Variants in CRIM1 observed in about 807,000 individuals in gnomAD.
The protein encoded by CRIM1 is cysteine-rich motor neuron 1 protein.
Under a neutral mutation model 116.4 loss-of-function variants are expected in CRIM1, and 32 were observed. That is an observed-to-expected ratio of 0.27 (90% CI 0.21 to 0.37). CRIM1 has a LOEUF of 0.37. Ranked by LOEUF, CRIM1 falls within the 10% of genes least tolerant of loss-of-function variation. The pLI is 1.00. For missense variants in CRIM1, 1,331 were observed against 1,354.8 expected, an observed-to-expected ratio of 0.98 and a Z score of 0.28; for synonymous variants, 590 against 509.2, an observed-to-expected ratio of 1.16 and a Z score of -2.13.
intron 4 of CRIM1, among the ~76,000 whole-genome samples, chr2:36,461,619 A>G (rs925802654): frequency 2.0e-5 from 3 of 152,230 alleles, no homozygotes; most frequent in South Asian, 2.1e-4. Flanking sequence ...TGTGTTAACC[A>G]GAGAATCTAG....
At chr2:36,406,671 C>A (rs550844332) in intron 2 of CRIM1, among the ~76,000 whole-genome samples, 2 of 135,954 alleles carry the variant, frequency 1.5e-5, no homozygotes, top group Non-Finnish European at 1.5e-5. Context: ...CAAACTGATT[C>A]TCTTACTCGT....
intron 4 of CRIM1, among the ~76,000 whole-genome samples, chr2:36,463,232 G>T (rs1419819011): frequency 6.6e-6 from 1 of 152,044 alleles, no homozygotes; most frequent in Non-Finnish European, 1.5e-5. Context: ...TAGTTCCATG[G>T]TTAACTATAA....
intron 13 of CRIM1, among the ~76,000 whole-genome samples, chr2:36,531,404 G>GTT (rs572813764): frequency 4.2e-5 from 6 of 142,802 alleles, no homozygotes; most frequent in Non-Finnish European, 6.2e-5. Flanking sequence ...TTGGTTTTTT[G>GTT]TTTTTTTTTT....
chr2:36,476,936 G>T lies in CRIM1; in HGVS notation c.1039G>T (p.Asp347Tyr), dbSNP rs767007762. Residue 347 changes from aspartate (D) to tyrosine (Y), a missense_variant, in exon 6 of 17, where the codon GAC becomes TAC. Physicochemically the swap from Asp to Tyr is radical, Grantham distance 160. Coordinates refer to ENST00000280527, the MANE Select transcript of CRIM1 (RefSeq NM_016441.3). ...TAACAATGTGGAATATTATGATGGA[G>T]ACATGTTTCGAATGGACAACTGTCG... The part of the protein sequence containing the change: ...VFNNVEYYDG[D>Y]MFRMDNCRFC... 1.7e-5 allele frequency: 27 copies of T among 1,613,996 alleles called. No homozygotes were observed. In the East Asian group the frequency reaches 5.8e-4, roughly 35 times the overall value.
In CRIM1 at chr2:36,550,904, ATTATT is replaced by A. The variant is rs1262902696; in HGVS notation, c.*2207_*2211del. The A allele has an allele frequency of 6.6e-6, 1 of 152,546 alleles. No homozygotes were observed. The highest frequency in any genetic ancestry group is 1.5e-5 in the Non-Finnish European group (1 of 68,004). 9.4% of individuals were successfully genotyped at this position (152,546 alleles called of 1,614,324 possible). A position where few individuals can be genotyped will look rare whatever the true frequency, so the allele number is the denominator to read the frequency against. On this transcript the variant is annotated 3_prime_UTR_variant, in exon 17 of 17. Coordinates refer to ENST00000280527, the MANE Select transcript of CRIM1 (RefSeq NM_016441.3). Reference sequence around the variant, plus strand: ...AGGACAAGGTGTAAATTTTTTTATTATTATTTTAAAGATATGATTTATCCTGAGTG... The same window carrying A: ...AGGACAAGGTGTAAATTTTTTTATTATTAAAGATATGATTTATCCTGAGTG...
At chr2:36,416,755 C>T (rs1421857902) in intron 2 of CRIM1, among the ~76,000 whole-genome samples, 1 of 152,182 alleles carries the variant, frequency 6.6e-6, no homozygotes, top group African/African-American at 2.4e-5. Context: ...CTCCAGAAAC[C>T]AAAGACAGAA....
At chr2:36,493,687 C>T (rs1416403220) in intron 7 of CRIM1, among the ~76,000 whole-genome samples, 2 of 152,146 alleles carry the variant, frequency 1.3e-5, no homozygotes, top group Non-Finnish European at 2.9e-5. Flanking sequence ...GAGGGAGAAC[C>T]AGCTCATAGT....
chr2:36,511,201 A>G (rs1664651553), intron 9 of CRIM1, among the ~76,000 whole-genome samples: 2 of 152,276 alleles, frequency 1.3e-5, no homozygotes, highest in South Asian at 2.1e-4. Context: ...TTGGCCTTCC[A>G]AAGTGCTGGG....
chr2:36,438,798 A>G (rs1438069765), intron 2 of CRIM1, among the ~76,000 whole-genome samples: 2 of 152,210 alleles, frequency 1.3e-5, no homozygotes, highest in South Asian at 2.1e-4. Flanking sequence ...CAGGAGTCAT[A>G]TTATTACAGA....
rs912718196 is a variant in CRIM1 at position 36,547,194 on chromosome 2, C to A, written c.2934+23C>A. The A allele has an allele frequency of 1.1e-5, 17 of 1,579,538 alleles. No individual in the cohort carries two copies. In the African/African-American group the frequency reaches 1.9e-4, roughly 18 times the overall value. ...AAGGTACTGTCTTGCAAAAGTTAGT[C>A]TCTTGAATGATGAATCTAGGAAAAC... On this transcript the variant is annotated intron_variant, in intron 16 of 16. Transcript: ENST00000280527.
At chr2:36,532,067 A>G (rs945859757) in intron 13 of CRIM1, 10 of 461,540 alleles carry the variant, frequency 2.2e-5, no homozygotes, top group African/African-American at 1.0e-4. Flanking sequence ...GACGGATAAG[A>G]TAGGGGCCAT....
intron 2 of CRIM1, among the ~76,000 whole-genome samples, chr2:36,433,152 A>G (rs1675026679): frequency 6.6e-6 from 1 of 152,168 alleles, no homozygotes; most frequent in Admixed American, 6.5e-5. Flanking sequence ...CTCAAACTTT[A>G]CTGTGCATCT....
chr2:36,457,689 T>G (rs1231540538), intron 4 of CRIM1, among the ~76,000 whole-genome samples: 1 of 152,130 alleles, frequency 6.6e-6, no homozygotes, highest in African/African-American at 2.4e-5. Context: ...AGTGCTGTTT[T>G]CCATAAGAAG....
chr2:36,425,120 G>A (rs1015107129), intron 2 of CRIM1, among the ~76,000 whole-genome samples: 1 of 152,150 alleles, frequency 6.6e-6, no homozygotes, highest in African/African-American at 2.4e-5. Flanking sequence ...TTGTTCTTCC[G>A]AGCTCAGTAG....
intron 8 of CRIM1, among the ~76,000 whole-genome samples, chr2:36,507,479 G>A (rs1438615332): frequency 6.6e-6 from 1 of 152,180 alleles, no homozygotes; most frequent in East Asian, 1.9e-4. Flanking sequence ...AAATACCATG[G>A]TTGTCCCTAT....
chr2:36,520,105 C>G (rs1027115551), intron 12 of CRIM1, among the ~76,000 whole-genome samples: 1 of 152,134 alleles, frequency 6.6e-6, no homozygotes, highest in African/African-American at 2.4e-5. Flanking sequence ...AGGGTTGGGC[C>G]AGGAGCCTCC....
intron 1 of CRIM1, among the ~76,000 whole-genome samples, chr2:36,384,655 T>G (rs1006261667): frequency 6.6e-6 from 1 of 152,200 alleles, no homozygotes; most frequent in Non-Finnish European, 1.5e-5. Flanking sequence ...TCATATGCAT[T>G]TCTTGACATG....
intron 15 of CRIM1, among the ~76,000 whole-genome samples, chr2:36,546,228 A>AT (rs1667314822): frequency 1.3e-5 from 2 of 152,206 alleles, no homozygotes; most frequent in Non-Finnish European, 2.9e-5. Flanking sequence ...GAATATAAAA[A>AT]TAAGGAAACT....
rs573466150 is a variant in CRIM1 at position 36,376,978 on chromosome 2, GCT to G, written c.332-19633_332-19632del. On this transcript the variant is annotated intron_variant, in intron 1 of 16. Coordinates refer to ENST00000280527, the MANE Select transcript of CRIM1 (RefSeq NM_016441.3). Reference sequence around the variant, plus strand: ...AGAGAGACAGAGCAGCAGTTCCTGAGCTCTGTCTTTTGTCTCTTCATGGGTTG... The same window carrying G: ...AGAGAGACAGAGCAGCAGTTCCTGAGCTGTCTTTTGTCTCTTCATGGGTTG... 3.2e-3 allele frequency among the ~76,000 whole-genome samples: 489 copies of G among 152,292 alleles called. 3 individuals carry two copies. Among genetic ancestry groups the G allele is most frequent in the African/African-American group, 0.011 (473 of 41,552 alleles).
Sources: gnomAD v4.1 joint callset for allele counts (sites outside exome capture counted in the v4.1 genomes callset) on GRCh38, gnomAD v4.1.1 for gene constraint, MANE v1.5 for transcripts, NCBI Gene and HGNC (gene_info 2026-07-23, HGNC 2026-07-21) for gene names.